The following LRRTM4 variants were observed in gnomAD, a reference collection of about 807,000 sequenced individuals.
The protein encoded by LRRTM4 is leucine rich repeat transmembrane neuronal 4, also known as leucine-rich repeat transmembrane neuronal protein 4.
LRRTM4 carries 25 observed loss-of-function variants against 47.6 expected under a neutral mutation model. That is an observed-to-expected ratio of 0.53 (90% CI 0.38 to 0.73). LRRTM4 has a LOEUF of 0.73. LRRTM4 is among the 30% of genes least tolerant of loss of function. The pLI is 0.00. For synonymous variants in LRRTM4, 311 were observed against 269.5 expected (o/e 1.15, Z -1.51); for missense variants, 638 against 713.4 (o/e 0.89, Z 1.20).
intron 3 of LRRTM4, among the ~76,000 whole-genome samples, chr2:77,406,722 T>C (rs555523580): frequency 6.6e-5 from 10 of 152,198 alleles, no homozygotes; most frequent in East Asian, 1.9e-4. Context: ...AGTGCATAGA[T>C]TGAACTTAAA....
chr2:77,321,553 G>GGT (rs140524397), intron 3 of LRRTM4, among the ~76,000 whole-genome samples: 3 of 71,256 alleles, frequency 4.2e-5, no homozygotes, highest in African/African-American at 3.1e-4. Context: ...AAATCGGGGA[G>GGT]GGGGGGGGGT....
intron 3 of LRRTM4, among the ~76,000 whole-genome samples, chr2:77,368,078 C>T (rs777712116): frequency 5.9e-5 from 9 of 151,362 alleles, no homozygotes; most frequent in African/African-American, 2.2e-4. Context: ...TGCCTTAAAC[C>T]TAGATTTGCC....
chr2:76,885,608 G>GCCCACCGCCACCA (rs1673050429), intron 3 of LRRTM4, among the ~76,000 whole-genome samples: 1 of 151,766 alleles, frequency 6.6e-6, no homozygotes, highest in Admixed American at 6.6e-5. Context: ...GACCGCAAGC[G>GCCCACCGCCACCA]CCCACCGCCA....
chr2:77,004,983 C>A (rs570009052), intron 3 of LRRTM4, among the ~76,000 whole-genome samples: 1 of 152,080 alleles, frequency 6.6e-6, no homozygotes, highest in Admixed American at 6.5e-5. Flanking sequence ...AATGCCTGTA[C>A]CCCAGTTGTA....
intron 3 of LRRTM4, among the ~76,000 whole-genome samples, chr2:76,936,350 C>A (rs1223811722): frequency 6.6e-6 from 1 of 151,534 alleles, no homozygotes; most frequent in Non-Finnish European, 1.5e-5. Flanking sequence ...AAAAACCAAA[C>A]ACCACATGTT....
intron 3 of LRRTM4, among the ~76,000 whole-genome samples, chr2:77,487,769 A>T (rs1677975782): frequency 6.6e-6 from 1 of 151,960 alleles, no homozygotes; most frequent in Non-Finnish European, 1.5e-5. Context: ...TTCCAGGCCC[A>T]CCTATGGCCA....
intron 3 of LRRTM4, among the ~76,000 whole-genome samples, chr2:77,516,408 C>T (rs961756962): frequency 6.6e-6 from 1 of 151,788 alleles, no homozygotes; most frequent in African/African-American, 2.4e-5. Flanking sequence ...AACCCCAGTT[C>T]TCAAATCCTG....
At chr2:77,239,233 T>C (rs1219496598) in intron 3 of LRRTM4, among the ~76,000 whole-genome samples, 2 of 151,876 alleles carry the variant, frequency 1.3e-5, no homozygotes, top group Non-Finnish European at 2.9e-5. Flanking sequence ...GTAAATATAC[T>C]AGTGTGCATA....
intron 3 of LRRTM4, among the ~76,000 whole-genome samples, chr2:77,265,323 G>A (rs900666518): frequency 6.6e-6 from 1 of 152,040 alleles, no homozygotes; most frequent in African/African-American, 2.4e-5. Flanking sequence ...GTTGATAGGT[G>A]GAAACTTGAA....
At chr2:77,093,717 C>T (rs548444245) in intron 3 of LRRTM4, among the ~76,000 whole-genome samples, 1 of 152,064 alleles carries the variant, frequency 6.6e-6, no homozygotes, top group South Asian at 2.1e-4. Flanking sequence ...GTGACTTGCA[C>T]ATATACGCCC....
chr2:77,155,190 G>A (rs1028463225), intron 3 of LRRTM4, among the ~76,000 whole-genome samples: 1 of 151,828 alleles, frequency 6.6e-6, no homozygotes, highest in Admixed American at 6.6e-5. Context: ...TAAAAAGCCT[G>A]CATATAAATA....
intron 3 of LRRTM4, among the ~76,000 whole-genome samples, chr2:77,140,912 C>G (rs1172763959): frequency 6.6e-6 from 1 of 152,106 alleles, no homozygotes; most frequent in Non-Finnish European, 1.5e-5. Context: ...AAAATCAAAA[C>G]CACAGTGAGA....
chr2:77,047,003 T>C (rs1043655481), intron 3 of LRRTM4, among the ~76,000 whole-genome samples: 1 of 152,058 alleles, frequency 6.6e-6, no homozygotes, highest in African/African-American at 2.4e-5. Context: ...TGTCCAATAA[T>C]AAAGATACAT....
intron 3 of LRRTM4, among the ~76,000 whole-genome samples, chr2:77,179,354 A>C (rs72911898): frequency 0.051 from 7,796 of 152,256 alleles, 659 homozygotes; most frequent in African/African-American, 0.18. Flanking sequence ...AAAAAAGTCA[A>C]TGAACAAAGT....
chr2:76,943,056 A>G (rs896151192), intron 3 of LRRTM4, among the ~76,000 whole-genome samples: 1 of 152,198 alleles, frequency 6.6e-6, no homozygotes, highest in Non-Finnish European at 1.5e-5. Context: ...ATGAAATACC[A>G]TAAAATAGTA....
intron 3 of LRRTM4, among the ~76,000 whole-genome samples, chr2:77,007,183 CAT>C (rs967456922): frequency 2.0e-5 from 3 of 151,034 alleles, no homozygotes; most frequent in Non-Finnish European, 3.0e-5. Flanking sequence ...CACACACACG[CAT>C]ATATATATAT....
At chr2:77,219,491 T>G (rs977907863) in intron 3 of LRRTM4, among the ~76,000 whole-genome samples, 2 of 152,068 alleles carry the variant, frequency 1.3e-5, no homozygotes, top group Non-Finnish European at 2.9e-5. Flanking sequence ...ATTTAACAGG[T>G]GGGGCATATG....
chr2:77,367,105 G>C (rs1480430616), intron 3 of LRRTM4, among the ~76,000 whole-genome samples: 1 of 151,498 alleles, frequency 6.6e-6, no homozygotes, highest in Admixed American at 6.6e-5. Context: ...CACCATTAGA[G>C]CCTGAATGTA....
chr2:77,519,572 T>G lies in LRRTM4; in HGVS notation c.297A>C (p.Ser99=). The change falls in exon 3 of 4, where the codon TCA becomes TCC. Residue 99 remains serine (S), a synonymous_variant. Transcript: ENST00000409884. The surrounding 1 kb of genome is among the most constrained non-coding windows in gnomAD (Gnocchi z 4.6). ...WLYLDHNYIS[S]VDEDAFQGIR... ...TCCCTTGAAATGCATCTTCATCCACTGAGCTAATGTAATTATGGTCAAGAT... is the reference window on the plus strand; with the variant it reads ...TCCCTTGAAATGCATCTTCATCCACGGAGCTAATGTAATTATGGTCAAGAT... The G allele has an allele frequency of 6.2e-7, 1 of 1,613,486 alleles. No individual in the cohort carries two copies. Among genetic ancestry groups the G allele is most frequent in the Non-Finnish European group, 8.5e-7 (1 of 1,179,650 alleles).
Sources: gnomAD v4.1 joint callset for allele counts (sites outside exome capture counted in the v4.1 genomes callset) on GRCh38, gnomAD v4.1.1 for gene constraint, Gnocchi (gnomAD v3.1) non-coding constraint, MANE v1.5 for transcripts, NCBI Gene and HGNC (gene_info 2026-07-23, HGNC 2026-07-21) for gene names.